Variants in GPD2 observed in about 807,000 individuals in gnomAD.
GPD2 encodes the protein glycerol-3-phosphate dehydrogenase 2.
A neutral mutation model predicts 82.4 loss-of-function variants in GPD2; 54 were observed. The observed-to-expected ratio is 0.66, with a 90% CI of 0.53 to 0.82. GPD2 has a LOEUF of 0.82. Among genes scored for constraint, GPD2 ranks in the 40% least tolerant of loss-of-function variants. The pLI is 0.00. For missense variants in GPD2, 748 were observed against 896.2 expected, an observed-to-expected ratio of 0.83 and a Z score of 2.11; for synonymous variants, 288 against 306.1, an observed-to-expected ratio of 0.94 and a Z score of 0.62.
intron 1 of GPD2, 27 bp from the exon 2 acceptor site, chr2:156,476,071 C>A (rs1023857193): frequency 1.9e-5 from 23 of 1,193,850 alleles, no homozygotes; most frequent in Non-Finnish European, 2.8e-5. Context: ...CAATTAACTT[C>A]TTTTTGTTTC....
At chr2:156,572,619 A>G (rs1243692495) in intron 13 of GPD2, among the ~76,000 whole-genome samples, 1 of 152,180 alleles carries the variant, frequency 6.6e-6, no homozygotes, top group African/African-American at 2.4e-5. Context: ...AGACTGGATG[A>G]GATTATATAG....
At chr2:156,481,168 T>C (rs924293401) in intron 2 of GPD2, among the ~76,000 whole-genome samples, 2 of 152,072 alleles carry the variant, frequency 1.3e-5, no homozygotes, top group African/African-American at 4.8e-5. Context: ...TTTATTCCTT[T>C]ATTTTTGTTT....
chr2:156,512,094 G>T (rs775064429), intron 4 of GPD2, 126 bp from the exon 5 acceptor site: 37 of 708,252 alleles, frequency 5.2e-5, no homozygotes, highest in Non-Finnish European at 8.1e-5. Context: ...TTGATTAGGA[G>T]GGAGCTATCC....
intron 6 of GPD2, among the ~76,000 whole-genome samples, chr2:156,515,562 G>T (rs1179582111): frequency 6.6e-6 from 1 of 152,154 alleles, no homozygotes; most frequent in Admixed American, 6.5e-5. Flanking sequence ...CAAGGCAGAA[G>T]AAAGATTATT....
chr2:156,401,436 G>A, the GPD2 span, among the ~76,000 whole-genome samples: 2 of 152,142 alleles, frequency 1.3e-5, no homozygotes, highest in African/African-American at 4.8e-5. Flanking sequence ...TGGTGAAGGA[G>A]GCAAATGAAG....
At chr2:156,440,848 C>G (rs1346732123) in intron 1 of GPD2, among the ~76,000 whole-genome samples, 4 of 152,008 alleles carry the variant, frequency 2.6e-5, no homozygotes, top group African/African-American at 9.7e-5. Flanking sequence ...CTTTTAAGAC[C>G]CTTCGAATCT....
intron 3 of GPD2, among the ~76,000 whole-genome samples, chr2:156,497,423 G>A (rs530506497): frequency 3.3e-5 from 5 of 152,202 alleles, no homozygotes; most frequent in East Asian, 1.9e-4. Flanking sequence ...CAGATGTCTC[G>A]AATTGGGTAG....
intron 13 of GPD2, 25 bp from the exon 14 acceptor site, chr2:156,578,864 A>G (rs1473289063): frequency 7.8e-7 from 1 of 1,275,886 alleles, no homozygotes; most frequent in Non-Finnish European, 1.1e-6. Flanking sequence ...TGTGTCTTTG[A>G]ACTTTGTGTG....
upstream of GPD2, among the ~76,000 whole-genome samples, chr2:156,430,959 C>T (rs1300887421): frequency 1.3e-5 from 2 of 152,226 alleles, no homozygotes; most frequent in Non-Finnish European, 2.9e-5. Context: ...CATTTTGTTA[C>T]ACCAGGATAT....
chr2:156,506,012 A>AGTTG (rs552868738), intron 3 of GPD2, among the ~76,000 whole-genome samples: 127 of 152,324 alleles, frequency 8.3e-4, no homozygotes, highest in African/African-American at 3.0e-3. Context: ...TCTTCATTGC[A>AGTTG]GTTGGTTGGT....
chr2:156,455,951 CTTCT>C lies in GPD2; in HGVS notation c.-9+19445_-9+19448del, dbSNP rs1320166390. On this transcript the variant is annotated intron_variant, in intron 1 of 16. Coordinates refer to ENST00000438166, the MANE Select transcript of GPD2 (RefSeq NM_000408.5). ...TGAAATCTAAATTATATATTTTTTG[CTTCT>C]TTCTTTTAACAGTGCAGGAAATTTT... 2.6e-5 allele frequency among the ~76,000 whole-genome samples: 4 copies of C among 152,036 alleles called. No individual in the cohort carries two copies. The East Asian group carries it at 5.8e-4, about 22-fold the overall frequency.
chr2:156,469,453 C>T (rs1264153920), intron 1 of GPD2, among the ~76,000 whole-genome samples: 2 of 152,234 alleles, frequency 1.3e-5, no homozygotes, highest in African/African-American at 4.8e-5. Context: ...GTGTGAGCCA[C>T]TGTGCCCGGC....
At chr2:156,571,932 C>G (rs988066323) in intron 13 of GPD2, among the ~76,000 whole-genome samples, 1 of 152,102 alleles carries the variant, frequency 6.6e-6, no homozygotes, top group Non-Finnish European at 1.5e-5. Flanking sequence ...TCCTTTCTCC[C>G]AGGATCTCTT....
the GPD2 span, among the ~76,000 whole-genome samples, chr2:156,412,926 T>A: frequency 3.3e-5 from 5 of 151,708 alleles, no homozygotes; most frequent in East Asian, 7.8e-4. Context: ...GTGAAACCCC[T>A]TCTCTACAAA....
At chr2:156,440,849 C>G (rs1682143310) in intron 1 of GPD2, among the ~76,000 whole-genome samples, 1 of 152,134 alleles carries the variant, frequency 6.6e-6, no homozygotes, top group African/African-American at 2.4e-5. Context: ...TTTTAAGACC[C>G]TTCGAATCTC....
At chr2:156,559,001 T>A (rs1294875754) in intron 9 of GPD2, among the ~76,000 whole-genome samples, 1 of 152,028 alleles carries the variant, frequency 6.6e-6, no homozygotes, top group African/African-American at 2.4e-5. Context: ...AATCATGTCT[T>A]ATTAGGGTGA....
the GPD2 span, among the ~76,000 whole-genome samples, chr2:156,412,432 G>A: frequency 6.2e-5 from 3 of 48,216 alleles, no homozygotes; most frequent in African/African-American, 2.1e-4. Flanking sequence ...GTGAGACTTC[G>A]TCTGTAAAAA....
intron 8 of GPD2, 93 bp downstream of exon 8, chr2:156,550,839 G>T (rs1573991470): frequency 2.0e-6 from 2 of 1,003,400 alleles, no homozygotes; most frequent in Non-Finnish European, 3.1e-6. Flanking sequence ...GCAATAGATG[G>T]TCTAACTTGC....
chr2:156,507,941 C>T (rs539338671), intron 3 of GPD2, among the ~76,000 whole-genome samples: 2 of 152,208 alleles, frequency 1.3e-5, no homozygotes, highest in Admixed American at 6.5e-5. Context: ...CTCCACCTGC[C>T]CTGAACACGT....
Sources: gnomAD v4.1 joint callset for allele counts (sites outside exome capture counted in the v4.1 genomes callset) on GRCh38, gnomAD v4.1.1 for gene constraint, MANE v1.5 for transcripts, NCBI Gene and HGNC (gene_info 2026-07-23, HGNC 2026-07-21) for gene names.